IAH1: variants seen among roughly 807,000 people sequenced by gnomAD.
The protein encoded by IAH1 is isoamyl acetate-hydrolyzing esterase 1 homolog.
A neutral mutation model predicts 26.7 loss-of-function variants in IAH1; 24 were observed. The ratio of observed to expected loss-of-function variants is 0.90; its 90% CI spans 0.65 to 1.26. The LOEUF (loss-of-function observed/expected upper bound fraction) is 1.26, where lower values mean the gene tolerates loss of function less well. Ranked by LOEUF, IAH1 falls within the 50% of genes most tolerant of loss-of-function variation. The probability of loss-of-function intolerance (pLI) is 0.00; values close to 1 mark genes in which losing one functional copy is unlikely to be tolerated. For synonymous variants in IAH1, 140 were observed against 118.5 expected, an observed-to-expected ratio of 1.18 and a Z score of -1.18; for missense variants, 300 against 299.9, an observed-to-expected ratio of 1.00 and a Z score of 0.00.
At chr2:9,483,729 T>C (rs913889420) in intron 4 of IAH1, among the ~76,000 whole-genome samples, 4 of 152,158 alleles carry the variant, frequency 2.6e-5, no homozygotes, top group African/African-American at 4.8e-5. Flanking sequence ...CAGCCTTCCC[T>C]GGTGCAGCTC....
At chr2:9,505,494 G>T in the IAH1 span, 1 of 923,628 alleles carries the variant, frequency 1.1e-6, no homozygotes, top group Non-Finnish European at 1.7e-6. Flanking sequence ...TGGAGTTATG[G>T]CAAGGCCACC....
chr2:9,511,162 A>G, the IAH1 span, among the ~76,000 whole-genome samples: 1 of 152,190 alleles, frequency 6.6e-6, no homozygotes, highest in East Asian at 1.9e-4. Context: ...TAAAAAAAAC[A>G]GTACGGATAG....
exon 6 of IAH1, chr2:9,494,836 C>T (rs1662444846): frequency 6.4e-7 from 1 of 1,574,148 alleles, no homozygotes; most frequent in Admixed American, 1.8e-5. Flanking sequence ...CCTCCTCTTT[C>T]CTCCCTGACC....
intron 5 of IAH1, among the ~76,000 whole-genome samples, chr2:9,487,837 C>CGTGT (rs1448938576): frequency 2.7e-5 from 2 of 73,922 alleles, no homozygotes; most frequent in Non-Finnish European, 3.3e-5. Context: ...TGTGTGTGCG[C>CGTGT]GCGCGCGCGC....
At chr2:9,500,244 C>A (rs188266870), downstream of IAH1, among the ~76,000 whole-genome samples, 331 of 152,278 alleles carry the variant, frequency 2.2e-3, 1 homozygote, top group Non-Finnish European at 3.8e-3. Flanking sequence ...ATACATGCTA[C>A]AACATACATG....
downstream of IAH1, among the ~76,000 whole-genome samples, chr2:9,501,371 C>T (rs1662994306): frequency 1.3e-5 from 2 of 152,156 alleles, no homozygotes; most frequent in Admixed American, 1.3e-4. Flanking sequence ...GGCAACCTAG[C>T]AGTGGTGCTC....
At chr2:9,510,663 CAAAAA>C in the IAH1 span, among the ~76,000 whole-genome samples, 486 of 84,812 alleles carry the variant, frequency 5.7e-3, 2 homozygotes, top group African/African-American at 0.018. Flanking sequence ...GACTTCGTCT[CAAAAA>C]AAAAAAAAAA....
the IAH1 span, among the ~76,000 whole-genome samples, chr2:9,504,633 C>G: frequency 2.2e-3 from 329 of 149,310 alleles, 1 homozygote; most frequent in African/African-American, 7.8e-3. Context: ...CATGGTGGTG[C>G]GTGCCTGTAG....
rs1312364420 is a variant in IAH1 at position 9,484,702 on chromosome 2, G to C, written c.564+152G>C. 6.7e-6 allele frequency: 4 copies of C among 593,642 alleles called. No individual in the cohort carries two copies. In the African/African-American group the frequency reaches 7.5e-5, roughly 11 times the overall value. 36.8% of individuals were successfully genotyped at this position (593,642 alleles called of 1,614,324 possible). On this transcript the variant is annotated intron_variant, in intron 5 of 5. Transcript: ENST00000497473. ...AACAAACAGGCTTGGGGGAGGGGAG[G>C]AATGGAGGTTCCAGGATGGCTCACA... is the stretch of plus-strand genomic sequence containing the variant.
chr2:9,478,177 A>G, intron 2 of IAH1, 45 bp from the exon 3 acceptor site: 1 of 1,554,816 alleles, frequency 6.4e-7, no homozygotes, highest in South Asian at 1.2e-5. Context: ...GCGACCATAA[A>G]CACTTCTTGC....
chr2:9,488,348 A>G lies in IAH1; in HGVS notation c.*19A>G, dbSNP rs779803726. The stretch of plus-strand genomic sequence containing the variant: ...CCATTAGCCAATCACAGGAGACCCA[A>G]ATCTGCTTGTTATCTACAGAACTCA... On this transcript the variant is annotated 3_prime_UTR_variant, in exon 6 of 6. Coordinates refer to ENST00000497473, the MANE Select transcript of IAH1 (RefSeq NM_001039613.3). 2 of 1,566,072 alleles carry G rather than the reference A, an allele frequency of 1.3e-6. No homozygotes were observed.
chr2:9,487,806 G>A (rs1661630292), intron 5 of IAH1, among the ~76,000 whole-genome samples: 1 of 90,964 alleles, frequency 1.1e-5, no homozygotes, highest in Non-Finnish European at 2.5e-5. Flanking sequence ...GTGTGTGTGT[G>A]TGTGTGTGTG....
At chr2:9,511,276 C>A in the IAH1 span, among the ~76,000 whole-genome samples, 4 of 152,018 alleles carry the variant, frequency 2.6e-5, no homozygotes, top group African/African-American at 9.7e-5. Flanking sequence ...TAGTAAAACC[C>A]CATCTCTACT....
At chr2:9,481,530 G>C in intron 4 of IAH1, 83 bp downstream of exon 4, 1 of 1,373,420 alleles carries the variant, frequency 7.3e-7, no homozygotes, top group Admixed American at 2.0e-5. Flanking sequence ...TTTCCTGCCT[G>C]GGGCTTCTGT....
At chr2:9,494,774 CAG>C (rs1160207361) in exon 6 of IAH1, 2 of 1,613,804 alleles carry the variant, frequency 1.2e-6, no homozygotes, top group South Asian at 1.1e-5. Context: ...GTTTCTGGAA[CAG>C]AGAACACGCA....
chr2:9,493,770 T>C (rs144657795), downstream of IAH1: 279 of 1,613,978 alleles, frequency 1.7e-4, no homozygotes, highest in Non-Finnish European at 2.2e-4. Context: ...GCTCAGCTGG[T>C]CAATGAAATC....
At chr2:9,491,219 C>T (rs1662116846), downstream of IAH1, 5 of 1,404,566 alleles carry the variant, frequency 3.6e-6, no homozygotes, top group Non-Finnish European at 5.0e-6. Context: ...TATTTCATCA[C>T]AGGCTATTCC....
intron 5 of IAH1, chr2:9,486,166 G>C (rs1661466441): frequency 6.6e-6 from 1 of 152,258 alleles, no homozygotes; most frequent in South Asian, 2.1e-4. Context: ...CAGTGGGAAA[G>C]TCATACTACC....
chr2:9,482,653 C>T (rs924368132), intron 4 of IAH1, among the ~76,000 whole-genome samples: 1 of 152,214 alleles, frequency 6.6e-6, no homozygotes, highest in African/African-American at 2.4e-5. Context: ...AGCTCAAGTC[C>T]TTACTGTTGT....
Sources: allele counts gnomAD v4.1 joint callset (sites outside exome capture counted in the v4.1 genomes callset), GRCh38; gene constraint gnomAD v4.1.1; transcripts MANE v1.5; gene names NCBI Gene and HGNC (gene_info 2026-07-23, HGNC 2026-07-21).